Variants in SAMD5 observed in about 807,000 individuals in gnomAD.
The protein encoded by SAMD5 is sterile alpha motif domain containing 5, also known as sterile alpha motif domain-containing protein 5.
A neutral mutation model predicts 11.3 loss-of-function variants in SAMD5; 13 were observed. The observed-to-expected ratio is 1.15, with a 90% CI of 0.75 to 1.83. SAMD5 has a LOEUF of 1.83. Among genes scored for constraint, SAMD5 ranks in the 40% most tolerant of loss-of-function variants. The pLI is 0.00. For missense variants in SAMD5, 255 were observed against 239.1 expected (o/e 1.07, Z -0.44); for synonymous variants, 129 against 111.3 (o/e 1.16, Z -1.00).
chr6:147,564,533 C>CA lies in SAMD5; in HGVS notation c.*82dup. 1 of 1,002,448 alleles carries CA rather than the reference C, an allele frequency of 1.0e-6. No homozygotes were observed. Among genetic ancestry groups the CA allele is most frequent in the Non-Finnish European group, 1.6e-6 (1 of 639,418 alleles). 62.1% of individuals were successfully genotyped at this position (1,002,448 alleles called of 1,614,324 possible). On this transcript the variant is annotated 3_prime_UTR_variant, in exon 2 of 2. Coordinates refer to ENST00000367474, the MANE Select transcript of SAMD5 (RefSeq NM_001030060.3). ...AAAGGGCATATTTAGAACCTTCTTT[C>CA]AAAAAGGGAAATGGATGATGACCCT...
At chr6:147,919,220 G>T in the SAMD5 span, among the ~76,000 whole-genome samples, 1 of 152,136 alleles carries the variant, frequency 6.6e-6, no homozygotes. Flanking sequence ...TTACGAATTG[G>T]TAATGTGTGA....
intron 1 of SAMD5, among the ~76,000 whole-genome samples, chr6:147,712,410 G>T (rs1791412534): frequency 6.6e-6 from 1 of 152,146 alleles, no homozygotes; most frequent in Non-Finnish European, 1.5e-5. Flanking sequence ...TCATTTTACA[G>T]ATGAGAAATT....
At chr6:147,590,278 A>G (rs1003975654) in intron 1 of SAMD5, among the ~76,000 whole-genome samples, 3 of 152,130 alleles carry the variant, frequency 2.0e-5, no homozygotes, top group Non-Finnish European at 4.4e-5. Context: ...TATCTCCACA[A>G]AGGAACTAGG....
At chr6:147,922,468 G>A in the SAMD5 span, among the ~76,000 whole-genome samples, 1 of 152,118 alleles carries the variant, frequency 6.6e-6, no homozygotes, top group Non-Finnish European at 1.5e-5. Context: ...TAAATCTTAA[G>A]GTGGCTCTGC....
chr6:147,946,919 A>T, the SAMD5 span, among the ~76,000 whole-genome samples: 2 of 152,216 alleles, frequency 1.3e-5, no homozygotes. Context: ...TAATTTCATG[A>T]TTACTTATCT....
chr6:147,591,846 T>C (rs1360853106), intron 1 of SAMD5, among the ~76,000 whole-genome samples: 1 of 152,072 alleles, frequency 6.6e-6, no homozygotes, highest in Non-Finnish European at 1.5e-5. Flanking sequence ...CTTCAGGTGC[T>C]TCCCCAGAGC....
chr6:147,734,474 T>TG (rs1791762253), intron 1 of SAMD5, among the ~76,000 whole-genome samples: 1 of 152,050 alleles, frequency 6.6e-6, no homozygotes, highest in Admixed American at 6.6e-5. Context: ...CCCAGCATTC[T>TG]GGGAGACCGA....
chr6:147,735,401 C>A (rs552496127), intron 1 of SAMD5, among the ~76,000 whole-genome samples: 1 of 152,232 alleles, frequency 6.6e-6, no homozygotes, highest in African/African-American at 2.4e-5. Flanking sequence ...CCTATTACTG[C>A]TCACTGTAAT....
the SAMD5 span, among the ~76,000 whole-genome samples, chr6:147,848,098 T>G: frequency 1.3e-5 from 2 of 152,220 alleles, no homozygotes; most frequent in Non-Finnish European, 2.9e-5. Context: ...GAAAATGTGC[T>G]TGATGAAATC....
At chr6:147,712,154 T>G (rs1347572887) in intron 1 of SAMD5, among the ~76,000 whole-genome samples, 2 of 152,178 alleles carry the variant, frequency 1.3e-5, no homozygotes, top group Non-Finnish European at 2.9e-5. Flanking sequence ...ATCTTCTATA[T>G]TTTATATTTT....
At chr6:147,715,911 T>C (rs565942292) in intron 1 of SAMD5, among the ~76,000 whole-genome samples, 8 of 152,140 alleles carry the variant, frequency 5.3e-5, no homozygotes, top group Non-Finnish European at 1.2e-4. Flanking sequence ...AGGGCTTTTA[T>C]TGGCTTCAGA....
the SAMD5 span, among the ~76,000 whole-genome samples, chr6:147,816,301 A>AAATATATATATATATAT: frequency 3.2e-4 from 21 of 66,344 alleles, no homozygotes; most frequent in South Asian, 4.8e-4. Flanking sequence ...AAAAAAAAAA[A>AAATATATATATATATAT]ATATATATAT....
At chr6:147,692,459 A>G (rs747155771) in intron 1 of SAMD5, 4 of 152,182 alleles carry the variant, frequency 2.6e-5, no homozygotes, top group Admixed American at 6.5e-5. Context: ...TTAAACAGAA[A>G]GGGGTCTGTC....
At chr6:147,680,116 T>C (rs1360208864) in intron 1 of SAMD5, among the ~76,000 whole-genome samples, 1 of 151,908 alleles carries the variant, frequency 6.6e-6, no homozygotes, top group East Asian at 1.9e-4. Context: ...GACTTAAGAT[T>C]GCAGATAACT....
At chr6:147,947,922 C>T in the SAMD5 span, among the ~76,000 whole-genome samples, 10 of 151,994 alleles carry the variant, frequency 6.6e-5, no homozygotes, top group East Asian at 1.9e-4. Flanking sequence ...TTGCTACTTA[C>T]GTATACTGTG....
intron 1 of SAMD5, among the ~76,000 whole-genome samples, chr6:147,550,836 A>T (rs544620784): frequency 1.3e-5 from 2 of 152,272 alleles, no homozygotes; most frequent in South Asian, 4.1e-4. Context: ...TAGACTAAAA[A>T]TGCCCAGACT....
chr6:147,551,492 G>A (rs1788771078), intron 1 of SAMD5, among the ~76,000 whole-genome samples: 1 of 152,048 alleles, frequency 6.6e-6, no homozygotes, highest in African/African-American at 2.4e-5. Context: ...CTTACCATGC[G>A]AGTGTGATTT....
chr6:147,762,081 C>T, the SAMD5 span, among the ~76,000 whole-genome samples: 1 of 152,030 alleles, frequency 6.6e-6, no homozygotes, highest in African/African-American at 2.4e-5. Context: ...TATATTTGTC[C>T]ATCTTAACTG....
chr6:147,704,557 A>G (rs1287434593), intron 1 of SAMD5, among the ~76,000 whole-genome samples: 2 of 151,324 alleles, frequency 1.3e-5, no homozygotes, highest in Non-Finnish European at 3.0e-5. Flanking sequence ...TGCAAATCAG[A>G]AAAAAAAAGG....
Sources: allele counts gnomAD v4.1 joint callset (sites outside exome capture counted in the v4.1 genomes callset), GRCh38; gene constraint gnomAD v4.1.1; transcripts MANE v1.5; gene names NCBI Gene and HGNC (gene_info 2026-07-23, HGNC 2026-07-21).